KIF26B: variants seen among roughly 807,000 people sequenced by gnomAD.
KIF26B encodes kinesin family member 26B.
In KIF26B, 63 loss-of-function variants were observed where a neutral mutation model predicts 151.2. That is an observed-to-expected ratio of 0.42 (90% CI 0.34 to 0.51). The LOEUF is 0.51. Ranked by LOEUF, KIF26B falls within the 20% of genes least tolerant of loss-of-function variation. The pLI is 0.07. For synonymous variants in KIF26B, 1,357 were observed against 1,262.1 expected (o/e 1.08, Z -1.59); for missense variants, 2,813 against 2,913.6 (o/e 0.97, Z 0.79).
chr1:245,455,452 C>T (rs1034569595), intron 4 of KIF26B, among the ~76,000 whole-genome samples: 5 of 151,984 alleles, frequency 3.3e-5, no homozygotes, highest in African/African-American at 1.2e-4. Context: ...TGCAGTGAGT[C>T]GAGATCACAC....
intron 10 of KIF26B, among the ~76,000 whole-genome samples, chr1:245,662,603 AG>A: frequency 9.2e-6 from 1 of 108,408 alleles, no homozygotes; most frequent in Non-Finnish European, 1.9e-5. Flanking sequence ...ATATATACAC[AG>A]ACACCCAATA....
At chr1:245,433,132 C>A (rs1658821250) in intron 4 of KIF26B, among the ~76,000 whole-genome samples, 1 of 152,140 alleles carries the variant, frequency 6.6e-6, no homozygotes, top group African/African-American at 2.4e-5. Context: ...TGCTTGAAAA[C>A]TTAGATCTCT....
chr1:245,265,067 T>C (rs1315834853), intron 2 of KIF26B, among the ~76,000 whole-genome samples: 1 of 151,798 alleles, frequency 6.6e-6, no homozygotes, highest in African/African-American at 2.4e-5. Context: ...CCAGGCGTGG[T>C]GGCTGGCGCC....
At chr1:245,556,238 CTTCCTCCTTCT>C (rs1558212904) in intron 5 of KIF26B, among the ~76,000 whole-genome samples, 10 of 149,974 alleles carry the variant, frequency 6.7e-5, no homozygotes, top group Non-Finnish European at 1.5e-4. Flanking sequence ...TCTTCTTCTT[CTTCCTCCTTCT>C]TCCTCCTTCC....
rs1281952449 is a variant in KIF26B at position 245,522,421 on chromosome 1, T to A, written c.1167-18346T>A. 2.0e-5 allele frequency among the ~76,000 whole-genome samples: 3 copies of A among 152,208 alleles called. No homozygotes were observed. In the East Asian group the frequency reaches 5.8e-4, roughly 29 times the overall value. ...GTGCCTCAGAACACTGCCTACAGCA[T>A]CCTGGTGAGGTTGACAATCAGTTGT... On this transcript the variant is annotated intron_variant, in intron 4 of 14. Coordinates refer to ENST00000407071, the MANE Select transcript of KIF26B (RefSeq NM_018012.4).
At chr1:245,520,869 T>G (rs2103090009) in intron 4 of KIF26B, among the ~76,000 whole-genome samples, 1 of 152,292 alleles carries the variant, frequency 6.6e-6, no homozygotes, top group South Asian at 2.1e-4. Flanking sequence ...TTCCCTGTGG[T>G]CTGAATGTTT....
intron 5 of KIF26B, among the ~76,000 whole-genome samples, chr1:245,559,861 T>C (rs2042922663): frequency 6.6e-6 from 1 of 152,192 alleles, no homozygotes; most frequent in Admixed American, 6.5e-5. Flanking sequence ...AGGTTTTTTG[T>C]TTTGCTCCTG....
Position 245,495,199 on chromosome 1 carries a change from A to G in KIF26B, c.1167-45568A>G, listed in dbSNP as rs1660488689. On this transcript the variant is annotated intron_variant, in intron 4 of 14. Transcript: ENST00000407071. This position sits in a 1 kb window ranked among gnomAD's most constrained non-coding sequence, Gnocchi z 4.2. ...GAATGCAAATCAGTTGAAAATATCC[A>G]GAGAGATACATGGAGAACAAAAAGG... 6.6e-6 allele frequency among the ~76,000 whole-genome samples: 1 copy of G among 152,232 alleles called. No individual in the cohort carries two copies. Among genetic ancestry groups the G allele is most frequent in the Admixed American group, 6.5e-5 (1 of 15,280 alleles).
At chr1:245,614,721 G>C (rs948361069) in intron 9 of KIF26B, 6 of 152,312 alleles carry the variant, frequency 3.9e-5, no homozygotes, top group African/African-American at 1.4e-4. Context: ...GACAGCCCAT[G>C]ATGGTGAGCA....
chr1:245,575,402 G>A (rs2043109283), intron 5 of KIF26B, among the ~76,000 whole-genome samples: 1 of 151,930 alleles, frequency 6.6e-6, no homozygotes, highest in African/African-American at 2.4e-5. Flanking sequence ...TTGAACCCGG[G>A]AGGCAGAGGT....
intron 4 of KIF26B, among the ~76,000 whole-genome samples, chr1:245,469,126 G>T (rs894039843): frequency 2.6e-5 from 4 of 152,232 alleles, no homozygotes; most frequent in South Asian, 4.1e-4. Context: ...GACCTCCCTT[G>T]TTCCCTACCA....
At chr1:245,189,822 A>T (rs996420612) in intron 2 of KIF26B, among the ~76,000 whole-genome samples, 2 of 152,260 alleles carry the variant, frequency 1.3e-5, no homozygotes, top group Non-Finnish European at 2.9e-5. Context: ...AAGAGGTTTA[A>T]TGGACTCACA....
intron 5 of KIF26B, among the ~76,000 whole-genome samples, chr1:245,599,153 C>A (rs941297455): frequency 1.3e-5 from 2 of 152,154 alleles, no homozygotes; most frequent in African/African-American, 4.8e-5. Flanking sequence ...CTTTCTTGAT[C>A]ACAAGTGGTA....
intron 5 of KIF26B, among the ~76,000 whole-genome samples, chr1:245,554,208 G>GT (rs1270337398): frequency 1.3e-5 from 2 of 152,106 alleles, no homozygotes. Context: ...ATGGGTCTAG[G>GT]TTTTCTCCTC....
At chr1:245,544,044 C>A (rs572345944) in intron 5 of KIF26B, among the ~76,000 whole-genome samples, 1 of 152,190 alleles carries the variant, frequency 6.6e-6, no homozygotes, top group Admixed American at 6.5e-5. Flanking sequence ...CAGGCTCTTA[C>A]TCTGCCCTAC....
chr1:245,498,359 G>C (rs1660552732), intron 4 of KIF26B, among the ~76,000 whole-genome samples: 1 of 152,198 alleles, frequency 6.6e-6, no homozygotes. Context: ...TTAGAAGCTA[G>C]TGGAATGTTA....
chr1:245,412,051 T>A (rs544985), intron 3 of KIF26B, among the ~76,000 whole-genome samples: 73,101 of 151,756 alleles, frequency 0.48, 18,284 homozygotes, highest in South Asian at 0.63. Flanking sequence ...CACAGAAATG[T>A]ATTCTGGCAT....
At chr1:245,671,803 C>T (rs2044289996) in intron 10 of KIF26B, among the ~76,000 whole-genome samples, 1 of 152,120 alleles carries the variant, frequency 6.6e-6, no homozygotes, top group Non-Finnish European at 1.5e-5. Flanking sequence ...AAACAATTTC[C>T]ATAGACAGAG....
intron 2 of KIF26B, among the ~76,000 whole-genome samples, chr1:245,238,759 G>A (rs1670159436): frequency 6.6e-6 from 1 of 152,100 alleles, no homozygotes; most frequent in Admixed American, 6.5e-5. Flanking sequence ...CTACTCGGGA[G>A]GCTGAGGCAG....
Sources: allele counts gnomAD v4.1 joint callset (sites outside exome capture counted in the v4.1 genomes callset), GRCh38; gene constraint gnomAD v4.1.1; non-coding constraint Gnocchi (gnomAD v3.1); transcripts MANE v1.5; gene names NCBI Gene and HGNC (gene_info 2026-07-23, HGNC 2026-07-21).